The following ERCC8 variants were observed in gnomAD, a reference collection of about 807,000 sequenced individuals.
ERCC8 encodes the protein ERCC excision repair 8, CSA ubiquitin ligase complex subunit.
ERCC8 carries 52 observed loss-of-function variants against 54.9 expected under a neutral mutation model. That is an observed-to-expected ratio of 0.95 (90% CI 0.76 to 1.19). The LOEUF is 1.19. Among genes scored for constraint, ERCC8 ranks in the 50% most tolerant of loss-of-function variants. ERCC8 has a pLI of 0.00. For synonymous variants in ERCC8, 146 were observed against 157.2 expected, an observed-to-expected ratio of 0.93 and a Z score of 0.53; for missense variants, 514 against 466.1, an observed-to-expected ratio of 1.10 and a Z score of -0.95.
chr5:60,880,731 C>T (rs972812042), intron 11 of ERCC8, among the ~76,000 whole-genome samples: 5 of 152,176 alleles, frequency 3.3e-5, no homozygotes, highest in African/African-American at 1.2e-4. Context: ...CGTTAAAGGA[C>T]TTGTCTGCAT....
At position 60,887,424 on chromosome 5, in the gene ERCC8, T is replaced by A; in HGVS notation, c.1122+16A>T. ...GCTTTAGAAGTCACTGTACCATTTG[T>A]GAAAATAATATTTACCTCATCATCA... On this transcript the variant is annotated intron_variant, in intron 11 of 11. Transcript: ENST00000676185. 2 of 1,583,832 alleles carry A rather than the reference T, an allele frequency of 1.3e-6. No individual in the cohort carries two copies. The highest frequency in any genetic ancestry group is 1.7e-6 in the Non-Finnish European group (2 of 1,152,674).
chr5:60,891,529 C>G (rs1748554474), intron 9 of ERCC8, among the ~76,000 whole-genome samples: 1 of 150,982 alleles, frequency 6.6e-6, no homozygotes, highest in Non-Finnish European at 1.5e-5. Flanking sequence ...TATATACTCC[C>G]AAAAAACATT....
intron 2 of ERCC8, among the ~76,000 whole-genome samples, chr5:60,923,699 CT>C (rs1477270307): frequency 1.3e-5 from 2 of 152,050 alleles, no homozygotes; most frequent in African/African-American, 4.8e-5. Context: ...CTTTATGTCT[CT>C]TTTGGAAGTT....
chr5:60,895,899 T>C (rs1311336495), intron 9 of ERCC8, among the ~76,000 whole-genome samples: 3 of 152,252 alleles, frequency 2.0e-5, no homozygotes, highest in Non-Finnish European at 2.9e-5. Flanking sequence ...GTATGAATAT[T>C]GAACCAGGGC....
At chr5:60,892,553 C>A in intron 9 of ERCC8, 1 of 648,472 alleles carries the variant, frequency 1.5e-6, no homozygotes, top group Non-Finnish European at 3.0e-6. Context: ...AGTCTCTCTT[C>A]TTCCCCAAAT....
intron 11 of ERCC8, among the ~76,000 whole-genome samples, chr5:60,877,289 A>G (rs543179737): frequency 6.6e-5 from 10 of 152,230 alleles, no homozygotes; most frequent in Admixed American, 2.0e-4. Flanking sequence ...GTAGCCTTGT[A>G]GTATAGTTTG....
intron 9 of ERCC8, among the ~76,000 whole-genome samples, chr5:60,894,218 T>G (rs555569269): frequency 6.6e-6 from 1 of 152,210 alleles, no homozygotes; most frequent in Admixed American, 6.5e-5. Flanking sequence ...TCTCCTGACC[T>G]CGTGATCTGC....
At chr5:60,887,373 T>C in intron 11 of ERCC8, 67 bp downstream of exon 11, 2 of 1,336,082 alleles carry the variant, frequency 1.5e-6, no homozygotes, top group South Asian at 2.4e-5. Flanking sequence ...CTCTCTCACA[T>C]AAAGTAACAA....
intron 1 of ERCC8, among the ~76,000 whole-genome samples, chr5:60,938,662 TA>T (rs1360203941): frequency 6.6e-6 from 1 of 152,212 alleles, no homozygotes; most frequent in Non-Finnish European, 1.5e-5. Flanking sequence ...CTGAATTTGT[TA>T]AAGTTTGCTT....
chr5:60,898,426 T>G (rs1748780477), intron 8 of ERCC8, 26 bp from the exon 9 acceptor site: 1 of 1,612,590 alleles, frequency 6.2e-7, no homozygotes, highest in East Asian at 2.2e-5. Flanking sequence ...TAGTTCAGTT[T>G]ATCTGTTCTT....
chr5:60,891,704 A>G (rs2112477502), intron 9 of ERCC8, among the ~76,000 whole-genome samples: 1 of 150,946 alleles, frequency 6.6e-6, no homozygotes, highest in South Asian at 2.1e-4. Context: ...TTTCTGTTGT[A>G]AAACAGAGTA....
chr5:60,944,219 A>C (rs1202992724), intron 1 of ERCC8, among the ~76,000 whole-genome samples: 1 of 152,078 alleles, frequency 6.6e-6, no homozygotes, highest in Non-Finnish European at 1.5e-5. Context: ...GACGTTGTTC[A>C]AATCTCTCCA....
At chr5:60,911,939 C>A (rs1273186328) in intron 4 of ERCC8, among the ~76,000 whole-genome samples, 1 of 152,114 alleles carries the variant, frequency 6.6e-6, no homozygotes, top group Non-Finnish European at 1.5e-5. Context: ...CTGTTCTGTT[C>A]CATAGGTCTA....
intron 1 of ERCC8, among the ~76,000 whole-genome samples, chr5:60,939,253 T>C (rs899799433): frequency 2.0e-5 from 3 of 152,234 alleles, no homozygotes; most frequent in Admixed American, 1.3e-4. Flanking sequence ...TTTATTATTA[T>C]ATATTTACAT....
At chr5:60,902,406 A>G (rs1446879933) in intron 7 of ERCC8, 36 bp downstream of exon 7, 1 of 1,477,676 alleles carries the variant, frequency 6.8e-7, no homozygotes, top group African/African-American at 1.4e-5. Flanking sequence ...CTTATTATTA[A>G]TTACTAACTT....
chr5:60,903,337 CAT>C (rs1317491627), intron 6 of ERCC8: 1 of 251,190 alleles, frequency 4.0e-6, no homozygotes. Flanking sequence ...TTAAATAATA[CAT>C]ATGAGACAAG....
At chr5:60,921,210 C>G (rs1321531101) in intron 3 of ERCC8, among the ~76,000 whole-genome samples, 1 of 151,788 alleles carries the variant, frequency 6.6e-6, no homozygotes, top group Non-Finnish European at 1.5e-5. Flanking sequence ...ATTTCTAATG[C>G]GAAACACCAG....
rs1054628197 is a variant in ERCC8 at position 60,893,702 on chromosome 5, G to C, written c.844-2616C>G. 7 of 439,546 alleles carry C rather than the reference G, an allele frequency of 1.6e-5. No homozygotes were observed. In the East Asian group the frequency reaches 2.9e-4, roughly 18 times the overall value. 27.2% of individuals were successfully genotyped at this position (439,546 alleles called of 1,614,324 possible). A position where few individuals can be genotyped will look rare whatever the true frequency, so the allele number is the denominator to read the frequency against. ...GCTAGGCTCCGGACTTCTGGCTTCC[G>C]GATGCCAGCCTGGCGGCGCCCGACT... On this transcript the variant is annotated intron_variant, in intron 9 of 11. Coordinates refer to ENST00000676185, the MANE Select transcript of ERCC8 (RefSeq NM_000082.4).
intron 4 of ERCC8, among the ~76,000 whole-genome samples, chr5:60,908,583 A>ATATATTTT (rs527918086): frequency 1.4e-5 from 2 of 141,892 alleles, no homozygotes; most frequent in African/African-American, 5.1e-5. Flanking sequence ...ATATATATAT[A>ATATATTTT]TTTTTTTTTT....
Sources: gnomAD v4.1 joint callset for allele counts (sites outside exome capture counted in the v4.1 genomes callset) on GRCh38, gnomAD v4.1.1 for gene constraint, MANE v1.5 for transcripts, NCBI Gene and HGNC (gene_info 2026-07-23, HGNC 2026-07-21) for gene names.